Variants in ACSL3 observed in about 807,000 individuals in gnomAD.
The protein encoded by ACSL3 is acyl-CoA synthetase long chain family member 3.
In ACSL3, 34 loss-of-function variants were observed where a neutral mutation model predicts 84.7. That is an observed-to-expected ratio of 0.40 (90% CI 0.31 to 0.53). The LOEUF is 0.53. ACSL3 is among the 20% of genes least tolerant of loss of function. ACSL3 has a pLI of 0.48. For missense variants in ACSL3, 680 were observed against 873.1 expected, an observed-to-expected ratio of 0.78 and a Z score of 2.79; for synonymous variants, 315 against 299.4, an observed-to-expected ratio of 1.05 and a Z score of -0.54.
At chr2:222,914,344 G>T (rs2106122342) in intron 4 of ACSL3, among the ~76,000 whole-genome samples, 1 of 151,704 alleles carries the variant, frequency 6.6e-6, no homozygotes, top group South Asian at 2.1e-4. Flanking sequence ...GCTCTCTGCA[G>T]CCTTGAGTTC....
At position 222,917,948 on chromosome 2, in the gene ACSL3, G is replaced by T. The variant is rs184878241; in HGVS notation, c.557-98G>T. On this transcript the variant is annotated intron_variant, in intron 5 of 16. Transcript: ENST00000357430. ...TAGACTGTGGATTTAACAGTTTAGG[G>T]CTCCTAATGCGTTATTATGATTCAT... The T allele has an allele frequency of 8.1e-5, 66 of 816,870 alleles. No individual in the cohort carries two copies. The African/African-American group carries it at 1.1e-3, about 13-fold the overall frequency. 50.6% of individuals were successfully genotyped at this position (816,870 alleles called of 1,614,324 possible).
chr2:222,875,658 T>G (rs1012844978), intron 1 of ACSL3, among the ~76,000 whole-genome samples: 1 of 152,124 alleles, frequency 6.6e-6, no homozygotes, highest in South Asian at 2.1e-4. Flanking sequence ...TTGCATGACG[T>G]TATAGCGCAG....
intron 3 of ACSL3, among the ~76,000 whole-genome samples, chr2:222,903,884 C>T (rs1423477181): frequency 6.6e-6 from 1 of 152,082 alleles, no homozygotes. Flanking sequence ...GAAGGTAACA[C>T]AGTGGGTATA....
At chr2:222,906,227 C>T (rs1305259579) in intron 3 of ACSL3, among the ~76,000 whole-genome samples, 1 of 152,286 alleles carries the variant, frequency 6.6e-6, no homozygotes, top group Admixed American at 6.5e-5. Flanking sequence ...GATGTTTCTC[C>T]TCAAGAGGGT....
At chr2:222,920,939 A>G (rs748437824) in intron 7 of ACSL3, 3 of 482,818 alleles carry the variant, frequency 6.2e-6, no homozygotes, top group Admixed American at 2.4e-5. Context: ...CAGGGTTTCC[A>G]TGGCTCCCTT....
chr2:222,898,473 G>T (rs1340173388), intron 2 of ACSL3, among the ~76,000 whole-genome samples: 1 of 152,184 alleles, frequency 6.6e-6, no homozygotes, highest in African/African-American at 2.4e-5. Context: ...AGGTATTGGG[G>T]CAGTAAGGAA....
intron 5 of ACSL3, chr2:222,917,341 G>T (rs1351829356): frequency 6.6e-6 from 1 of 152,276 alleles, no homozygotes; most frequent in South Asian, 2.1e-4. Flanking sequence ...CGCCCACCTC[G>T]GCCTCCCAGA....
rs754764759 is a variant in ACSL3 at position 222,943,106 on chromosome 2, C to CAAAA, written c.*1458_*1461dup. On this transcript the variant is annotated 3_prime_UTR_variant, in exon 17 of 17. Transcript: ENST00000357430. ...AAATCAAAAAAAAAAAAAACAAAAA[C>CAAAA]AAAAAAAAAGATGAACCTAGGTCTG... 50 of 209,630 alleles carry CAAAA rather than the reference C, an allele frequency of 2.4e-4. 1 individual carries two copies. The highest frequency in any genetic ancestry group is 4.2e-4 in the Non-Finnish European group (44 of 105,682). 13.0% of individuals were successfully genotyped at this position (209,630 alleles called of 1,614,324 possible).
chr2:222,902,406 T>G (rs956634182), intron 3 of ACSL3, among the ~76,000 whole-genome samples: 2 of 152,230 alleles, frequency 1.3e-5, no homozygotes, highest in Non-Finnish European at 2.9e-5. Flanking sequence ...TAAATTGCAT[T>G]CTGGGCTTTA....
Position 222,873,839 on chromosome 2 carries a change from C to G in ACSL3, c.-207+12581C>G, listed in dbSNP as rs1317999034. On this transcript the variant is annotated intron_variant, in intron 1 of 16. Coordinates refer to ENST00000357430, the MANE Select transcript of ACSL3 (RefSeq NM_004457.5). ...ATTATAAATAGCAAATGGAAGTTCTCAAGTAAATTTGTTTTTCTTCATTAA... is the reference window on the plus strand; with the variant it reads ...ATTATAAATAGCAAATGGAAGTTCTGAAGTAAATTTGTTTTTCTTCATTAA... 2.0e-5 allele frequency among the ~76,000 whole-genome samples: 3 copies of G among 152,120 alleles called. No individual in the cohort carries two copies. In the South Asian group the frequency reaches 6.2e-4, roughly 32 times the overall value.
At chr2:222,877,857 A>G (rs1695489693) in intron 1 of ACSL3, among the ~76,000 whole-genome samples, 1 of 152,232 alleles carries the variant, frequency 6.6e-6, no homozygotes, top group South Asian at 2.1e-4. Context: ...ATGATGCCAG[A>G]GTACAGGCAT....
chr2:222,892,009 G>C (rs1469630844), intron 2 of ACSL3, among the ~76,000 whole-genome samples: 1 of 151,950 alleles, frequency 6.6e-6, no homozygotes, highest in Admixed American at 6.6e-5. Context: ...TTTTATTTTT[G>C]TATTAAGGAG....
chr2:222,897,996 C>T (rs1368395257), intron 2 of ACSL3, among the ~76,000 whole-genome samples: 3 of 151,798 alleles, frequency 2.0e-5, no homozygotes, highest in Non-Finnish European at 4.4e-5. Context: ...GTCTTTCTGC[C>T]CTTTCTTGAA....
intron 1 of ACSL3, among the ~76,000 whole-genome samples, chr2:222,869,351 G>C (rs1695238436): frequency 6.6e-6 from 1 of 152,042 alleles, no homozygotes; most frequent in Non-Finnish European, 1.5e-5. Flanking sequence ...CATCTCTCTG[G>C]CTCCCCTGTC....
intron 9 of ACSL3, 93 bp downstream of exon 9, chr2:222,922,924 G>A (rs1476943871): frequency 8.5e-6 from 13 of 1,523,256 alleles, no homozygotes; most frequent in African/African-American, 2.8e-5. Flanking sequence ...TTGCGAGAGC[G>A]ATGGTTCATT....
chr2:222,938,602 G>A lies in ACSL3; in HGVS notation c.2006-2895G>A, dbSNP rs1003440393. Among the ~76,000 whole-genome samples, 10 of 152,174 alleles carry A rather than the reference G, an allele frequency of 6.6e-5. No individual in the cohort carries two copies. In the East Asian group the frequency reaches 9.7e-4, roughly 15 times the overall value. On this transcript the variant is annotated intron_variant, in intron 16 of 16. Coordinates refer to ENST00000357430, the MANE Select transcript of ACSL3 (RefSeq NM_004457.5). ...TTGTGACTTTTGACAGCTTGATTAC[G>A]AGTGTGTTTTGGTGTAGTTCTCTTC...
chr2:222,924,750 G>A (rs1298993957), intron 11 of ACSL3, among the ~76,000 whole-genome samples, 155 bp downstream of exon 11: 2 of 152,112 alleles, frequency 1.3e-5, no homozygotes, highest in Non-Finnish European at 2.9e-5. Flanking sequence ...CAGGCCAGGC[G>A]CGGTGGCTCA....
intron 13 of ACSL3, among the ~76,000 whole-genome samples, 198 bp downstream of exon 13, chr2:222,929,134 T>A (rs370382136): frequency 1.3e-5 from 2 of 152,226 alleles, no homozygotes; most frequent in South Asian, 2.1e-4. Flanking sequence ...ACTATTATTG[T>A]TTTCATTTTA....
chr2:222,888,585 A>G (rs554160543), intron 2 of ACSL3, among the ~76,000 whole-genome samples: 33 of 152,156 alleles, frequency 2.2e-4, no homozygotes, highest in Non-Finnish European at 4.4e-4. Context: ...GTCTTTTTTC[A>G]TATCAGTTGA....
Sources: gnomAD v4.1 joint callset for allele counts (sites outside exome capture counted in the v4.1 genomes callset) on GRCh38, gnomAD v4.1.1 for gene constraint, MANE v1.5 for transcripts, NCBI Gene and HGNC (gene_info 2026-07-23, HGNC 2026-07-21) for gene names.